Variants in BTBD10 observed in about 807,000 individuals in gnomAD.
BTBD10 encodes BTB domain containing 10.
Under a neutral mutation model 53.2 loss-of-function variants are expected in BTBD10, and 21 were observed. The ratio of observed to expected loss-of-function variants is 0.39; its 90% CI spans 0.28 to 0.57. The LOEUF (loss-of-function observed/expected upper bound fraction) is 0.57. Among genes scored for constraint, BTBD10 ranks in the 20% least tolerant of loss-of-function variants. The probability of loss-of-function intolerance (pLI) is 0.53; values close to 1 mark genes in which losing one functional copy is unlikely to be tolerated. For synonymous variants in BTBD10, 149 were observed against 192.7 expected (o/e 0.77, Z 1.88); for missense variants, 360 against 594.7 (o/e 0.61, Z 4.10).
intron 2 of BTBD10, among the ~76,000 whole-genome samples, chr11:13,423,647 A>T (rs1299536547): frequency 6.6e-6 from 1 of 152,152 alleles, no homozygotes; most frequent in African/African-American, 2.4e-5. Context: ...ACGAGTTAAA[A>T]TCTAATCTTC....
intron 8 of BTBD10, among the ~76,000 whole-genome samples, chr11:13,395,684 A>C (rs2135741067): frequency 6.6e-6 from 1 of 152,286 alleles, no homozygotes; most frequent in Non-Finnish European, 1.5e-5. Context: ...CTAACATGTA[A>C]GTCTTTAATC....
intron 8 of BTBD10, among the ~76,000 whole-genome samples, chr11:13,399,344 A>C (rs1308329081): frequency 6.6e-6 from 1 of 152,132 alleles, no homozygotes; most frequent in Non-Finnish European, 1.5e-5. Context: ...CGCATCGGCT[A>C]CTGAGGCTTG....
At chr11:13,456,003 A>C (rs1345041525) in intron 1 of BTBD10, among the ~76,000 whole-genome samples, 1 of 152,166 alleles carries the variant, frequency 6.6e-6, no homozygotes, top group Non-Finnish European at 1.5e-5. Context: ...TTCCATTATC[A>C]CAACAGTGTG....
At chr11:13,399,517 T>C (rs1218562286) in intron 8 of BTBD10, among the ~76,000 whole-genome samples, 5 of 152,198 alleles carry the variant, frequency 3.3e-5, no homozygotes, top group Non-Finnish European at 7.4e-5. Context: ...TCGGAGTAGT[T>C]TGATCTTCTG....
chr11:13,429,314 C>T (rs72857026), intron 2 of BTBD10, among the ~76,000 whole-genome samples: 21,578 of 151,750 alleles, frequency 0.14, 1,771 homozygotes, highest in African/African-American at 0.21. Context: ...CATATGAATA[C>T]GCAAATGACC....
chr11:13,389,017 A>G lies in BTBD10; in HGVS notation c.1242T>C (p.His414=), dbSNP rs1949333366. 6.2e-7 allele frequency: 1 copy of G among 1,613,940 alleles called. No individual in the cohort carries two copies. Among genetic ancestry groups the G allele is most frequent in the Non-Finnish European group, 8.5e-7 (1 of 1,180,048 alleles). The change falls in exon 9 of 9, where the codon CAT becomes CAC. Residue 414 remains histidine, a synonymous_variant. Transcript: ENST00000278174. ...TACTCTTTACACACTGAAAGTCTAC[A>G]TGCCGACTCTTTCCTTCTTCCTTCT... is the stretch of plus-strand genomic sequence containing the variant. The part of the protein sequence containing the change: ...SWEKEEGKSR[H]VDFQCVKSKS...
At chr11:13,442,944 C>G (rs1950685676) in intron 2 of BTBD10, among the ~76,000 whole-genome samples, 1 of 152,000 alleles carries the variant, frequency 6.6e-6, no homozygotes, top group African/African-American at 2.4e-5. Context: ...GGCAGATTTT[C>G]CATGAATGAG....
chr11:13,452,214 A>T (rs942925114), intron 1 of BTBD10, among the ~76,000 whole-genome samples: 3 of 152,226 alleles, frequency 2.0e-5, no homozygotes, highest in African/African-American at 7.2e-5. Context: ...CCAGACTCAA[A>T]GGTTACATAC....
chr11:13,417,127 G>C, intron 5 of BTBD10, 31 bp downstream of exon 5: 1 of 1,530,870 alleles, frequency 6.5e-7, no homozygotes. Context: ...GGCGTCTTAT[G>C]ATTAAGTCAA....
chr11:13,459,223 AT>A (rs548982181), intron 1 of BTBD10, among the ~76,000 whole-genome samples: 7 of 150,212 alleles, frequency 4.7e-5, no homozygotes, highest in Middle Eastern at 3.4e-3. Flanking sequence ...CGCCCGGCTA[AT>A]TTTTTTTGTA....
intron 6 of BTBD10, among the ~76,000 whole-genome samples, chr11:13,409,277 C>T (rs1330622304): frequency 1.3e-5 from 2 of 152,316 alleles, no homozygotes; most frequent in East Asian, 1.9e-4. Flanking sequence ...TCTGGCTCCT[C>T]TAAGTAACTT....
At chr11:13,405,990 T>C (rs1014101589) in intron 6 of BTBD10, 134 bp from the exon 7 acceptor site, 2 of 778,608 alleles carry the variant, frequency 2.6e-6, no homozygotes, top group Non-Finnish European at 2.0e-6. Context: ...ATGAAATAAC[T>C]TGCCTAATAT....
At chr11:13,414,334 T>TA (rs1046906849) in intron 5 of BTBD10, among the ~76,000 whole-genome samples, 9 of 152,058 alleles carry the variant, frequency 5.9e-5, no homozygotes, top group African/African-American at 2.2e-4. Context: ...TATGGACAGC[T>TA]AAAAAAACAC....
At chr11:13,454,958 T>TGG (rs1467014936) in intron 1 of BTBD10, among the ~76,000 whole-genome samples, 3 of 152,338 alleles carry the variant, frequency 2.0e-5, no homozygotes, top group East Asian at 3.9e-4. Context: ...TTACCCAGGC[T>TGG]GGGGTGCAAT....
chr11:13,392,370 G>T (rs537936998), intron 8 of BTBD10, among the ~76,000 whole-genome samples: 7 of 152,116 alleles, frequency 4.6e-5, no homozygotes, highest in Non-Finnish European at 8.8e-5. Flanking sequence ...CATCAGGTAA[G>T]CTAGAGAGGC....
At chr11:13,458,386 G>A (rs181337018) in intron 1 of BTBD10, among the ~76,000 whole-genome samples, 1 of 152,222 alleles carries the variant, frequency 6.6e-6, no homozygotes, top group Non-Finnish European at 1.5e-5. Context: ...AAAGGATACA[G>A]TAAAAAATAA....
rs1488508529 is a variant in BTBD10 at position 13,388,334 on chromosome 11, G to GC, written c.*496dup. The stretch of plus-strand genomic sequence containing the variant: ...GATAAATACTTTTTGCTCATCAAGG[G>GC]CAGCAAACTATACAAATTGTACTGG... On this transcript the variant is annotated 3_prime_UTR_variant, in exon 9 of 9. Transcript: ENST00000278174. The GC allele has an allele frequency of 1.3e-5, 2 of 154,770 alleles. No homozygotes were observed. Among genetic ancestry groups the GC allele is most frequent in the Non-Finnish European group, 1.4e-5 (1 of 69,258 alleles). 9.6% of individuals were successfully genotyped at this position (154,770 alleles called of 1,614,324 possible).
intron 1 of BTBD10, among the ~76,000 whole-genome samples, chr11:13,459,921 T>C (rs1951057537): frequency 6.6e-6 from 1 of 152,226 alleles, no homozygotes; most frequent in Admixed American, 6.5e-5. Flanking sequence ...CTTCCTACTT[T>C]ATGAGTCATG....
intron 8 of BTBD10, among the ~76,000 whole-genome samples, chr11:13,394,992 G>A (rs1049113624): frequency 2.7e-4 from 41 of 151,140 alleles, no homozygotes; most frequent in South Asian, 8.4e-4. Flanking sequence ...GAATAGTGCC[G>A]CAATAAACAT....
Sources: allele counts gnomAD v4.1 joint callset (sites outside exome capture counted in the v4.1 genomes callset), GRCh38; gene constraint gnomAD v4.1.1; transcripts MANE v1.5; gene names NCBI Gene and HGNC (gene_info 2026-07-23, HGNC 2026-07-21).